The following CACNA2D3 variants were observed in gnomAD, a reference collection of about 807,000 sequenced individuals.
The protein encoded by CACNA2D3 is calcium voltage-gated channel auxiliary subunit alpha2delta 3, also known as voltage-dependent calcium channel subunit alpha-2/delta-3.
Under a neutral mutation model 160.6 loss-of-function variants are expected in CACNA2D3, and 60 were observed. The ratio of observed to expected loss-of-function variants is 0.37; its 90% confidence interval spans 0.30 to 0.46. The LOEUF (loss-of-function observed/expected upper bound fraction) is 0.46, where lower values mean the gene tolerates loss of function less well. Ranked by LOEUF, CACNA2D3 falls within the 20% of genes least tolerant of loss-of-function variation. The pLI is 1.00. For synonymous variants in CACNA2D3, 558 were observed against 492.9 expected (o/e 1.13, Z -1.75); for missense variants, 1,205 against 1,365.0 (o/e 0.88, Z 1.85).
intron 18 of CACNA2D3, 81 bp from the exon 19 acceptor site, chr3:54,878,937 A>G (rs1051558299): frequency 5.0e-6 from 4 of 793,864 alleles, no homozygotes; most frequent in Non-Finnish European, 4.0e-6. Context: ...TGGAGGCTCC[A>G]CTGCACGCTG....
At chr3:54,894,777 C>A (rs1238557990) in intron 25 of CACNA2D3, 2 of 425,868 alleles carry the variant, frequency 4.7e-6, no homozygotes, top group African/African-American at 4.1e-5. Flanking sequence ...AATGAAAAGG[C>A]TAAAATTTCA....
chr3:54,480,619 G>T (rs747289414), intron 4 of CACNA2D3, among the ~76,000 whole-genome samples: 12 of 152,102 alleles, frequency 7.9e-5, no homozygotes, highest in Non-Finnish European at 1.3e-4. Flanking sequence ...TGAAAAATGG[G>T]CCTTTCTGTA....
rs146544860 is a variant in CACNA2D3 at position 54,295,886 on chromosome 3, T to G, written c.205-24556T>G. Among the ~76,000 whole-genome samples, 12 of 152,346 alleles carry G rather than the reference T, an allele frequency of 7.9e-5. 1 individual carries two copies. The East Asian group carries it at 2.3e-3, about 29-fold the overall frequency. On this transcript the variant is annotated intron_variant, in intron 2 of 37. Coordinates refer to ENST00000474759, the MANE Select transcript of CACNA2D3 (RefSeq NM_018398.3). ...GCCCAATGCAGCTCGCAGCTTAACT[T>G]TTCCCTTTGGCTTAGTGATTTTGGG...
intron 5 of CACNA2D3, among the ~76,000 whole-genome samples, chr3:54,520,514 GGACACC>G (rs1291849219): frequency 6.6e-6 from 1 of 152,158 alleles, no homozygotes; most frequent in Admixed American, 6.5e-5. Flanking sequence ...GGGAGCCTCT[GGACACC>G]AGAGGTTGGA....
intron 27 of CACNA2D3, among the ~76,000 whole-genome samples, chr3:54,904,599 G>A (rs1206243996): frequency 6.6e-6 from 1 of 152,084 alleles, no homozygotes; most frequent in South Asian, 2.1e-4. Flanking sequence ...TCCTAAAAAT[G>A]TTTCATTTTG....
intron 2 of CACNA2D3, among the ~76,000 whole-genome samples, chr3:54,264,430 C>G (rs921925370): frequency 3.9e-5 from 6 of 152,176 alleles, no homozygotes; most frequent in Non-Finnish European, 7.3e-5. Flanking sequence ...GCTTTGAACT[C>G]TAAGCTGCAT....
At chr3:55,020,329 TC>T (rs1275941260) in intron 35 of CACNA2D3, among the ~76,000 whole-genome samples, 1 of 149,794 alleles carries the variant, frequency 6.7e-6, no homozygotes, top group Non-Finnish European at 1.5e-5. Flanking sequence ...TATGTACATA[TC>T]GTATGTATGT....
At chr3:54,986,173 A>G (rs993089548) in intron 30 of CACNA2D3, among the ~76,000 whole-genome samples, 11 of 152,178 alleles carry the variant, frequency 7.2e-5, no homozygotes, top group African/African-American at 2.7e-4. Context: ...GGAAGGGTGC[A>G]GTGGATGTCT....
chr3:54,293,994 A>G (rs2107481253), intron 2 of CACNA2D3, among the ~76,000 whole-genome samples: 1 of 152,340 alleles, frequency 6.6e-6, no homozygotes, highest in Admixed American at 6.5e-5. Flanking sequence ...GAGGGGGAGA[A>G]GGAGAAATTT....
At chr3:54,738,904 T>G (rs1031422096) in intron 11 of CACNA2D3, among the ~76,000 whole-genome samples, 2 of 152,080 alleles carry the variant, frequency 1.3e-5, no homozygotes, top group African/African-American at 4.8e-5. Context: ...GCAATCCCAA[T>G]ACTTTGGGCG....
intron 4 of CACNA2D3, among the ~76,000 whole-genome samples, chr3:54,491,584 G>C (rs1455203830): frequency 6.6e-6 from 1 of 152,142 alleles, no homozygotes; most frequent in Non-Finnish European, 1.5e-5. Context: ...CTGAGATTAT[G>C]TGCTCTCACC....
intron 5 of CACNA2D3, among the ~76,000 whole-genome samples, chr3:54,546,788 C>G (rs985216009): frequency 6.6e-6 from 1 of 152,080 alleles, no homozygotes; most frequent in Non-Finnish European, 1.5e-5. Context: ...ATGGAAGGCC[C>G]ATTCATCTTG....
At chr3:54,135,877 G>A (rs1699805763) in intron 2 of CACNA2D3, among the ~76,000 whole-genome samples, 1 of 152,210 alleles carries the variant, frequency 6.6e-6, no homozygotes, top group African/African-American at 2.4e-5. Context: ...AATGGGCCAG[G>A]TCCTGAATGC....
chr3:54,526,262 T>G (rs572012596), intron 5 of CACNA2D3, among the ~76,000 whole-genome samples: 1 of 152,318 alleles, frequency 6.6e-6, no homozygotes, highest in African/African-American at 2.4e-5. Context: ...TCTTTAATTC[T>G]TTGGACATAT....
intron 3 of CACNA2D3, among the ~76,000 whole-genome samples, chr3:54,359,310 C>G (rs1259469465): frequency 1.3e-5 from 2 of 152,104 alleles, no homozygotes; most frequent in African/African-American, 4.8e-5. Flanking sequence ...GGGAGATAAA[C>G]TTTTGGGAGA....
intron 11 of CACNA2D3, among the ~76,000 whole-genome samples, chr3:54,656,633 G>A (rs1230046506): frequency 4.6e-5 from 7 of 152,192 alleles, no homozygotes; most frequent in Non-Finnish European, 1.0e-4. Flanking sequence ...CAGAAAATTA[G>A]GGGCCCACAG....
intron 13 of CACNA2D3, among the ~76,000 whole-genome samples, chr3:54,766,019 A>G (rs1293780803): frequency 6.6e-6 from 1 of 152,174 alleles, no homozygotes; most frequent in African/African-American, 2.4e-5. Context: ...AAGCAGTAGA[A>G]GAAAACCTGG....
chr3:54,255,874 A>G, intron 2 of CACNA2D3, among the ~76,000 whole-genome samples: 1 of 152,092 alleles, frequency 6.6e-6, no homozygotes, highest in Non-Finnish European at 1.5e-5. Flanking sequence ...AGAATTAATC[A>G]TTTTACCCCC....
intron 29 of CACNA2D3, among the ~76,000 whole-genome samples, chr3:54,972,354 T>C (rs9828470): frequency 0.038 from 5,817 of 152,256 alleles, 363 homozygotes; most frequent in African/African-American, 0.13. Flanking sequence ...AGGCAACCAA[T>C]TGACACTGTT....
Sources: gnomAD v4.1 joint callset for allele counts (sites outside exome capture counted in the v4.1 genomes callset) on GRCh38, gnomAD v4.1.1 for gene constraint, MANE v1.5 for transcripts, NCBI Gene and HGNC (gene_info 2026-07-23, HGNC 2026-07-21) for gene names.